Variants in CTNNA2 observed in about 807,000 individuals in gnomAD.
The protein encoded by CTNNA2 is catenin alpha 2.
A neutral mutation model predicts 101.0 loss-of-function variants in CTNNA2; 42 were observed. The observed-to-expected ratio is 0.42, with a 90% confidence interval of 0.32 to 0.54. The LOEUF (loss-of-function observed/expected upper bound fraction) is 0.54, where lower values mean the gene tolerates loss of function less well. Among genes scored for constraint, CTNNA2 ranks in the 20% least tolerant of loss-of-function variants. The pLI is 0.14. For synonymous variants in CTNNA2, 450 were observed against 456.4 expected (o/e 0.99, Z 0.18); for missense variants, 871 against 1,223.1 (o/e 0.71, Z 4.29).
chr2:80,315,772 T>C (rs1304790586), intron 7 of CTNNA2, among the ~76,000 whole-genome samples: 2 of 152,216 alleles, frequency 1.3e-5, no homozygotes, highest in Non-Finnish European at 2.9e-5. Flanking sequence ...GCAGTTTAAG[T>C]ACAGCAGCAG....
At chr2:80,006,039 C>T (rs1693317289) in intron 7 of CTNNA2, among the ~76,000 whole-genome samples, 1 of 152,026 alleles carries the variant, frequency 6.6e-6, no homozygotes, top group South Asian at 2.1e-4. Flanking sequence ...AGAAGTTGCT[C>T]TGTTGTGTTT....
intron 3 of CTNNA2, among the ~76,000 whole-genome samples, chr2:79,359,946 C>T (rs1677591396): frequency 6.6e-6 from 1 of 152,156 alleles, no homozygotes; most frequent in Non-Finnish European, 1.5e-5. Context: ...CATCATCATT[C>T]TTATGGGTAA....
chr2:80,565,942 A>T (rs903765892), intron 12 of CTNNA2, among the ~76,000 whole-genome samples: 45 of 152,272 alleles, frequency 3.0e-4, no homozygotes, highest in African/African-American at 1.1e-3. Flanking sequence ...TGTAAAATTA[A>T]ATATCAAGAT....
chr2:79,868,785 T>A (rs1436450985), intron 4 of CTNNA2, among the ~76,000 whole-genome samples: 1 of 152,224 alleles, frequency 6.6e-6, no homozygotes, highest in African/African-American at 2.4e-5. Context: ...GGGGCCTCTG[T>A]CAGACTCCCT....
intron 9 of CTNNA2, among the ~76,000 whole-genome samples, chr2:80,495,225 G>T (rs1687356994): frequency 6.6e-6 from 1 of 152,160 alleles, no homozygotes; most frequent in African/African-American, 2.4e-5. Flanking sequence ...CTACAGCTGG[G>T]TCCTTTTACA....
intron 4 of CTNNA2, among the ~76,000 whole-genome samples, chr2:79,864,956 G>A (rs1319213747): frequency 1.3e-5 from 2 of 152,134 alleles, no homozygotes; most frequent in Non-Finnish European, 1.5e-5. Flanking sequence ...ATAGACGTAA[G>A]CCATTTAGAA....
At chr2:80,444,990 G>A (rs543145718) in intron 9 of CTNNA2, among the ~76,000 whole-genome samples, 5 of 152,054 alleles carry the variant, frequency 3.3e-5, no homozygotes, top group African/African-American at 4.8e-5. Flanking sequence ...ATATCCACAC[G>A]TTGCCCAGTG....
intron 7 of CTNNA2, among the ~76,000 whole-genome samples, chr2:80,096,051 G>A (rs2148829273): frequency 6.6e-6 from 1 of 151,880 alleles, no homozygotes; most frequent in African/African-American, 2.4e-5. Context: ...GCTAGCTTTT[G>A]AATGTGTTTG....
chr2:80,627,445 A>G (rs1174880148), intron 18 of CTNNA2, among the ~76,000 whole-genome samples: 1 of 151,972 alleles, frequency 6.6e-6, no homozygotes, highest in East Asian at 1.9e-4. Flanking sequence ...TGTGGCTTTG[A>G]TTTGCATTTC....
rs1369926433 is a variant in CTNNA2, at chr2:80,094,273, C to G, written c.1056+184476C>G. Among the ~76,000 whole-genome samples the G allele has an allele frequency of 2.0e-5, 3 of 152,080 alleles. No individual in the cohort carries two copies. The East Asian group carries it at 5.8e-4, about 29-fold the overall frequency. ...TTTATTAAATAGGGAATCCTTTCCC[C>G]ATTGCTTGTTTTTCTCAGGTTTGTC... On this transcript the variant is annotated intron_variant, in intron 7 of 18. Coordinates refer to ENST00000402739, the MANE Select transcript of CTNNA2 (RefSeq NM_001282597.3).
chr2:80,454,321 T>C (rs1230046347), intron 9 of CTNNA2, among the ~76,000 whole-genome samples: 1 of 152,138 alleles, frequency 6.6e-6, no homozygotes, highest in Non-Finnish European at 1.5e-5. Context: ...AAATATGCTG[T>C]TATGGAAGGT....
chr2:79,741,994 T>C (rs527284293), intron 2 of CTNNA2, among the ~76,000 whole-genome samples: 2 of 152,310 alleles, frequency 1.3e-5, no homozygotes, highest in South Asian at 2.1e-4. Flanking sequence ...CTTTGTGCTC[T>C]TCCACCCATG....
At chr2:80,536,859 CTG>C (rs1016564565) in intron 9 of CTNNA2, among the ~76,000 whole-genome samples, 1 of 150,780 alleles carries the variant, frequency 6.6e-6, no homozygotes, top group African/African-American at 2.4e-5. Flanking sequence ...GATCTGTGAG[CTG>C]TGTGGGGTTT....
At chr2:79,599,006 C>CT (rs1244245508) in intron 1 of CTNNA2, among the ~76,000 whole-genome samples, 3 of 152,076 alleles carry the variant, frequency 2.0e-5, no homozygotes, top group South Asian at 4.1e-4. Context: ...ATCTAGACCG[C>CT]TTTTTTTAAT....
intron 7 of CTNNA2, among the ~76,000 whole-genome samples, chr2:80,366,649 TC>T (rs1452006478): frequency 1.3e-5 from 2 of 152,158 alleles, no homozygotes; most frequent in East Asian, 3.9e-4. Context: ...AAATACCTCT[TC>T]AACTCCCTTT....
chr2:79,533,195 C>A (rs1013133832), intron 1 of CTNNA2, among the ~76,000 whole-genome samples: 4 of 152,028 alleles, frequency 2.6e-5, no homozygotes, highest in Non-Finnish European at 5.9e-5. Context: ...TTTTGTTACA[C>A]CTTTTCTTAG....
intron 7 of CTNNA2, among the ~76,000 whole-genome samples, chr2:80,075,563 ATAT>A (rs1343848317): frequency 4.2e-5 from 6 of 143,184 alleles, no homozygotes; most frequent in South Asian, 2.1e-4. Context: ...ACATGTATAA[ATAT>A]TATAAAATAA....
intron 4 of CTNNA2, among the ~76,000 whole-genome samples, chr2:79,477,766 C>G (rs1414776797): frequency 2.0e-5 from 3 of 152,166 alleles, no homozygotes; most frequent in Non-Finnish European, 4.4e-5. Flanking sequence ...GGAAAAGGAA[C>G]AGAATACGCT....
intron 13 of CTNNA2, among the ~76,000 whole-genome samples, chr2:80,578,214 C>A (rs1695229555): frequency 6.6e-6 from 1 of 150,494 alleles, no homozygotes; most frequent in South Asian, 2.1e-4. Context: ...ACAGATATGA[C>A]CCACTTCCAT....
Sources: gnomAD v4.1 joint callset for allele counts (sites outside exome capture counted in the v4.1 genomes callset) on GRCh38, gnomAD v4.1.1 for gene constraint, MANE v1.5 for transcripts, NCBI Gene and HGNC (gene_info 2026-07-23, HGNC 2026-07-21) for gene names.